The following TCF4 variants were observed in gnomAD, a reference collection of about 807,000 sequenced individuals.
TCF4 encodes the protein transcription factor 4.
In TCF4, 3 loss-of-function variants were observed where a neutral mutation model predicts 82.1. The observed-to-expected ratio is 0.04, with a 90% CI of 0.02 to 0.09. The LOEUF is 0.09. TCF4 is among the 10% of genes least tolerant of loss of function. The pLI is 1.00. For synonymous variants in TCF4, 276 were observed against 309.6 expected (o/e 0.89, Z 1.14); for missense variants, 518 against 852.7 (o/e 0.61, Z 4.89).
chr18:55,330,835 A>C (rs1166946045), intron 8 of TCF4, among the ~76,000 whole-genome samples: 2 of 152,172 alleles, frequency 1.3e-5, no homozygotes, highest in African/African-American at 4.8e-5. Context: ...CCAAAGTGCT[A>C]GAATTACAGA....
At chr18:55,528,228 A>G (rs1020965354) in intron 3 of TCF4, among the ~76,000 whole-genome samples, 7 of 152,226 alleles carry the variant, frequency 4.6e-5, no homozygotes, top group African/African-American at 1.7e-4. Flanking sequence ...TAAAGAACAA[A>G]TAATTTAGAG....
chr18:55,478,064 G>T (rs889466108), intron 3 of TCF4, among the ~76,000 whole-genome samples: 4 of 152,214 alleles, frequency 2.6e-5, no homozygotes, highest in Non-Finnish European at 4.4e-5. Context: ...AAGACCTGAA[G>T]AATGACGATA....
intron 3 of TCF4, among the ~76,000 whole-genome samples, chr18:55,512,777 A>C (rs1240564520): frequency 6.6e-6 from 1 of 152,178 alleles, no homozygotes; most frequent in Non-Finnish European, 1.5e-5. Flanking sequence ...TGTGTTTAAA[A>C]ATTTTTCAAA....
chr18:55,474,658 C>G (rs1417352668), intron 3 of TCF4, among the ~76,000 whole-genome samples: 1 of 152,138 alleles, frequency 6.6e-6, no homozygotes, highest in African/African-American at 2.4e-5. Context: ...TATCCTAACC[C>G]CACCTGGGAA....
intron 2 of TCF4, among the ~76,000 whole-genome samples, chr18:55,608,094 C>T (rs1341347326): frequency 6.6e-6 from 1 of 152,154 alleles, no homozygotes; most frequent in African/African-American, 2.4e-5. Flanking sequence ...GGAAAAGCAG[C>T]AGGGCTGTTA....
intron 5 of TCF4, among the ~76,000 whole-genome samples, chr18:55,447,583 A>T (rs1056294187): frequency 1.3e-5 from 2 of 152,206 alleles, no homozygotes; most frequent in African/African-American, 4.8e-5. Context: ...TGAGTATTGA[A>T]GTTTATCATT....
chr18:55,255,427 A>G (rs183168571), intron 14 of TCF4, among the ~76,000 whole-genome samples: 1 of 152,308 alleles, frequency 6.6e-6, no homozygotes, highest in East Asian at 1.9e-4. Context: ...CCCCAACTAT[A>G]GCATAGAATT....
At chr18:55,428,385 A>G (rs73477275) in intron 5 of TCF4, among the ~76,000 whole-genome samples, 7,575 of 152,212 alleles carry the variant, frequency 0.05, 287 homozygotes, top group African/African-American at 0.1. Context: ...CATACCATCA[A>G]CTGGCATCTC....
chr18:55,344,739 G>T (rs1457897979), intron 8 of TCF4, among the ~76,000 whole-genome samples: 1 of 152,112 alleles, frequency 6.6e-6, no homozygotes, highest in Non-Finnish European at 1.5e-5. Context: ...CTCCTTAGAA[G>T]AGATCACTGA....
intron 3 of TCF4, among the ~76,000 whole-genome samples, chr18:55,481,103 CAAAAAA>C (rs74180501): frequency 0.27 from 21,995 of 80,044 alleles, 1,906 homozygotes; most frequent in Non-Finnish European, 0.32. Context: ...GACTCCATCT[CAAAAAA>C]AAAAAAAAAA....
intron 2 of TCF4, among the ~76,000 whole-genome samples, chr18:55,602,684 T>A (rs2147948571): frequency 6.6e-6 from 1 of 152,296 alleles, no homozygotes; most frequent in South Asian, 2.1e-4. Context: ...TAATCAATCA[T>A]TTACTCCTGC....
At chr18:55,345,356 G>A (rs1390975453) in intron 8 of TCF4, among the ~76,000 whole-genome samples, 1 of 149,396 alleles carries the variant, frequency 6.7e-6, no homozygotes, top group African/African-American at 2.5e-5. Flanking sequence ...AGCATTAACT[G>A]CACACACACA....
At chr18:55,604,037 C>T (rs916869744) in intron 2 of TCF4, among the ~76,000 whole-genome samples, 6 of 152,144 alleles carry the variant, frequency 3.9e-5, no homozygotes, top group African/African-American at 1.4e-4. Flanking sequence ...CGCCATTCTT[C>T]CCATAACTGT....
chr18:55,343,316 T>C (rs1322341709), intron 8 of TCF4, among the ~76,000 whole-genome samples: 1 of 152,148 alleles, frequency 6.6e-6, no homozygotes. Flanking sequence ...AATGTTCCTA[T>C]TTCCTGCTCT....
chr18:55,521,659 A>G (rs1348680265), intron 3 of TCF4, among the ~76,000 whole-genome samples: 4 of 152,230 alleles, frequency 2.6e-5, no homozygotes, highest in African/African-American at 9.6e-5. Flanking sequence ...TAAAAAGTGC[A>G]GGTTACTTTA....
At chr18:55,313,399 T>A (rs1412739051) in intron 8 of TCF4, among the ~76,000 whole-genome samples, 2 of 152,142 alleles carry the variant, frequency 1.3e-5, no homozygotes, top group Admixed American at 1.3e-4. Flanking sequence ...TTAACTAGTA[T>A]CTTGCAGAAA....
chr18:55,630,275 C>T (rs1011114716), intron 2 of TCF4, among the ~76,000 whole-genome samples: 1 of 152,006 alleles, frequency 6.6e-6, no homozygotes, highest in Non-Finnish European at 1.5e-5. Context: ...TACTTAGGGG[C>T]ATTATTGAAT....
chr18:55,227,840 C>CT lies in TCF4; in HGVS notation c.*194dup, dbSNP rs201242245. On this transcript the variant is annotated 3_prime_UTR_variant, in exon 20 of 20. Coordinates refer to ENST00000354452, the MANE Select transcript of TCF4 (RefSeq NM_001083962.2). Reference sequence around the variant, plus strand: ...TCCCTCAAGTTGCACTTTTTTCTTTCTTTTTTTTGTTTTTCTGTTTTTTGA... The same window carrying CT: ...TCCCTCAAGTTGCACTTTTTTCTTTCTTTTTTTTTGTTTTTCTGTTTTTTGA... 193 of 236,650 alleles carry CT rather than the reference C, an allele frequency of 8.2e-4. 1 individual carries two copies. Among genetic ancestry groups the CT allele is most frequent in the African/African-American group, 3.9e-3 (167 of 42,550 alleles). 14.7% of individuals were successfully genotyped at this position (236,650 alleles called of 1,614,324 possible).
chr18:55,307,561 T>C (rs996371126), intron 8 of TCF4, among the ~76,000 whole-genome samples: 3 of 152,228 alleles, frequency 2.0e-5, no homozygotes, highest in African/African-American at 7.2e-5. Flanking sequence ...AATAACATTT[T>C]TAAATCATTC....
Sources: gnomAD v4.1 joint callset for allele counts (sites outside exome capture counted in the v4.1 genomes callset) on GRCh38, gnomAD v4.1.1 for gene constraint, MANE v1.5 for transcripts, NCBI Gene and HGNC (gene_info 2026-07-23, HGNC 2026-07-21) for gene names.